Variants in DTNBP1 observed in about 807,000 individuals in gnomAD.
DTNBP1 encodes the protein dysbindin.
In DTNBP1, 35 loss-of-function variants were observed where a neutral mutation model predicts 42.8. The ratio of observed to expected loss-of-function variants is 0.82; its 90% CI spans 0.63 to 1.09. DTNBP1 has a LOEUF of 1.09. DTNBP1 is among the 50% of genes least tolerant of loss of function. DTNBP1 has a pLI of 0.00. For missense variants in DTNBP1, 457 were observed against 424.2 expected (o/e 1.08, Z -0.68); for synonymous variants, 171 against 162.2 (o/e 1.05, Z -0.41).
chr6:15,543,829 C>T (rs1185669398), intron 7 of DTNBP1, among the ~76,000 whole-genome samples: 2 of 152,182 alleles, frequency 1.3e-5, no homozygotes, highest in Non-Finnish European at 2.9e-5. Flanking sequence ...CATACCCTTG[C>T]TCTCTTTAAA....
rs886061225 is a variant in DTNBP1, at chr6:15,524,682, CA to C, written c.668-14del. ...CTGCCTATGGGCTCTGCGGATAGAT[CA>C]ACACGAGAAAGGACACGCTGTCTTT... On this transcript the variant is annotated splice_polypyrimidine_tract_variant and intron_variant, in intron 8 of 9. Transcript: ENST00000344537. The C allele has an allele frequency of 1.9e-6, 3 of 1,611,846 alleles. No individual in the cohort carries two copies. The highest frequency in any genetic ancestry group is 2.5e-6 in the Non-Finnish European group (3 of 1,179,980).
At chr6:15,624,021 C>T (rs751955219) in intron 5 of DTNBP1, among the ~76,000 whole-genome samples, 2 of 152,216 alleles carry the variant, frequency 1.3e-5, no homozygotes, top group African/African-American at 2.4e-5. Flanking sequence ...CCCATTAGAA[C>T]GTCAGCATCT....
Position 15,523,476 on chromosome 6 carries a change from G to C in DTNBP1, c.812-257C>G, listed in dbSNP as rs926196080. The C allele has an allele frequency of 3.9e-6, 5 of 1,290,952 alleles. No individual in the cohort carries two copies. In the African/African-American group the frequency reaches 6.0e-5, roughly 16 times the overall value. 80.0% of individuals were successfully genotyped at this position (1,290,952 alleles called of 1,614,324 possible). On this transcript the variant is annotated intron_variant, in intron 9 of 9. Transcript: ENST00000344537. ...GTGACACAGATCAAGTGCTCCTAAG[G>C]CTGTAATACGCGTGTAATAGAGGCC...
Position 15,587,103 on chromosome 6 carries a change from T to C in DTNBP1, c.511+5956A>G, listed in dbSNP as rs148052406. ...CCTTCTCCTGAGGTTCAACAGCCCATTGGACACTTCCACCTATAATGTCTT... is the reference window on the plus strand; with the variant it reads ...CCTTCTCCTGAGGTTCAACAGCCCACTGGACACTTCCACCTATAATGTCTT... On this transcript the variant is annotated intron_variant, in intron 7 of 9. Transcript: ENST00000344537. The surrounding 1 kb of genome is among the most constrained non-coding windows in gnomAD (Gnocchi z 4.1). 3.4e-3 allele frequency among the ~76,000 whole-genome samples: 525 copies of C among 152,322 alleles called. 4 individuals are homozygous for C. The highest frequency in any genetic ancestry group is 2.4e-3 in the Non-Finnish European group (161 of 68,018).
intron 7 of DTNBP1, among the ~76,000 whole-genome samples, chr6:15,558,513 C>T (rs575223811): frequency 1.2e-4 from 19 of 152,162 alleles, no homozygotes; most frequent in African/African-American, 4.1e-4. Context: ...GTGATCCACC[C>T]GCCTAAGCCT....
chr6:15,630,864 G>A (rs964380090), intron 4 of DTNBP1, among the ~76,000 whole-genome samples: 11 of 152,196 alleles, frequency 7.2e-5, no homozygotes, highest in Non-Finnish European at 1.5e-4. Flanking sequence ...GTTGCAGAGA[G>A]CCAAGATCGC....
chr6:15,560,532 C>T (rs1774787087), intron 7 of DTNBP1, among the ~76,000 whole-genome samples: 4 of 152,144 alleles, frequency 2.6e-5, no homozygotes, highest in South Asian at 2.1e-4. Flanking sequence ...TCTTTTGTAA[C>T]AGGGCCCAGT....
At chr6:15,599,405 G>A (rs1213948958) in intron 6 of DTNBP1, among the ~76,000 whole-genome samples, 1 of 152,144 alleles carries the variant, frequency 6.6e-6, no homozygotes, top group African/African-American at 2.4e-5. Flanking sequence ...TGACAGAACT[G>A]GGAATAAAAC....
intron 4 of DTNBP1, among the ~76,000 whole-genome samples, chr6:15,628,459 G>A (rs1295479181): frequency 7.4e-6 from 1 of 135,394 alleles, no homozygotes; most frequent in East Asian, 2.1e-4. Flanking sequence ...AGGCTGGAGT[G>A]CAGTGGTGCT....
At chr6:15,658,170 C>T (rs1761388233) in intron 1 of DTNBP1, among the ~76,000 whole-genome samples, 1 of 152,176 alleles carries the variant, frequency 6.6e-6, no homozygotes, top group Non-Finnish European at 1.5e-5. Context: ...CATATGGGCT[C>T]TCAAATCTTT....
At chr6:15,593,864 G>T (rs1300072735) in intron 6 of DTNBP1, among the ~76,000 whole-genome samples, 1 of 152,020 alleles carries the variant, frequency 6.6e-6, no homozygotes, top group East Asian at 1.9e-4. Context: ...CATTTATTTT[G>T]TACTTGCAGT....
Position 15,662,997 on chromosome 6 carries a change from C to A in DTNBP1, c.-128G>T, listed in dbSNP as rs919700519. 1.5e-6 allele frequency: 2 copies of A among 1,345,320 alleles called. No individual in the cohort carries two copies. The highest frequency in any genetic ancestry group is 2.1e-6 in the Non-Finnish European group (2 of 972,816). 83.3% of individuals were successfully genotyped at this position (1,345,320 alleles called of 1,614,324 possible). A position where few individuals can be genotyped will look rare whatever the true frequency, so the allele number is the denominator to read the frequency against. On this transcript the variant is annotated 5_prime_UTR_variant, in exon 1 of 10. Transcript: ENST00000344537. The stretch of plus-strand genomic sequence containing the variant: ...GCACTCCCACTACCGGCCCCGCCCC[C>A]GGTCTGGTCCTCGCCGCCGCGCCGC...
chr6:15,622,154 G>C (rs575804833), intron 5 of DTNBP1, among the ~76,000 whole-genome samples: 42 of 152,250 alleles, frequency 2.8e-4, no homozygotes, highest in African/African-American at 9.9e-4. Flanking sequence ...ACTATTCATG[G>C]TCATCTAGTT....
intron 8 of DTNBP1, among the ~76,000 whole-genome samples, chr6:15,527,354 A>G (rs916360598): frequency 1.3e-5 from 2 of 152,240 alleles, no homozygotes; most frequent in East Asian, 3.8e-4. Context: ...CCCATTCTCC[A>G]ATCACAATGA....
intron 8 of DTNBP1, among the ~76,000 whole-genome samples, chr6:15,524,990 A>G (rs935846086): frequency 2.0e-5 from 3 of 152,230 alleles, no homozygotes; most frequent in African/African-American, 4.8e-5. Flanking sequence ...AGAGGCCAAC[A>G]TTCCTGCAGC....
At chr6:15,562,379 A>G (rs1774882928) in intron 7 of DTNBP1, among the ~76,000 whole-genome samples, 1 of 152,210 alleles carries the variant, frequency 6.6e-6, no homozygotes, top group Non-Finnish European at 1.5e-5. Flanking sequence ...GACTTTCTGT[A>G]TACTTCAGAA....
At chr6:15,605,980 G>A (rs1323463069) in intron 6 of DTNBP1, among the ~76,000 whole-genome samples, 1 of 152,236 alleles carries the variant, frequency 6.6e-6, no homozygotes, top group Non-Finnish European at 1.5e-5. Context: ...ATTTAGAAAA[G>A]CAATTTATGG....
At chr6:15,620,113 T>C (rs1467299678) in intron 5 of DTNBP1, among the ~76,000 whole-genome samples, 2 of 152,182 alleles carry the variant, frequency 1.3e-5, no homozygotes, top group East Asian at 3.8e-4. Flanking sequence ...CTGACTTTTA[T>C]CATATTAATA....
intron 4 of DTNBP1, 67 bp downstream of exon 4, chr6:15,637,677 T>TA (rs1443439990): frequency 6.7e-5 from 102 of 1,519,742 alleles, no homozygotes; most frequent in Non-Finnish European, 9.2e-5. Context: ...ATTCAATTTT[T>TA]AAAAAATACC....
Sources: gnomAD v4.1 joint callset for allele counts (sites outside exome capture counted in the v4.1 genomes callset) on GRCh38, gnomAD v4.1.1 for gene constraint, Gnocchi (gnomAD v3.1) non-coding constraint, MANE v1.5 for transcripts, NCBI Gene and HGNC (gene_info 2026-07-23, HGNC 2026-07-21) for gene names.